The following OR10G4 variants were observed in gnomAD, a reference collection of about 807,000 sequenced individuals.
The protein encoded by OR10G4 is olfactory receptor family 10 subfamily G member 4, also known as olfactory receptor 10G4.
For synonymous variants in OR10G4, 130 were observed against 159.3 expected, an observed-to-expected ratio of 0.82 and a Z score of 1.39; for missense variants, 318 against 388.8, an observed-to-expected ratio of 0.82 and a Z score of 1.53.
rs970063176 is a variant in OR10G4 at position 124,018,492 on chromosome 11, G to T, written c.*1982G>T. Reference sequence around the variant, plus strand: ...TGTGTTACTTTGCTGGAAGATATTAGTTTCCAGTTTCATCAATGTCCCTAC... The same window carrying T: ...TGTGTTACTTTGCTGGAAGATATTATTTTCCAGTTTCATCAATGTCCCTAC... On this transcript the variant is annotated 3_prime_UTR_variant, in exon 2 of 2. Transcript: ENST00000641722. The T allele has an allele frequency of 1.3e-5, 2 of 152,088 alleles. No individual in the cohort carries two copies. Among genetic ancestry groups the T allele is most frequent in the Non-Finnish European group, 1.5e-5 (1 of 68,016 alleles). 9.4% of individuals were successfully genotyped at this position (152,088 alleles called of 1,614,324 possible). A position where few individuals can be genotyped will look rare whatever the true frequency, so the allele number is the denominator to read the frequency against.
In OR10G4 at chr11:124,015,624, A is replaced by G. The variant is rs777543217; in HGVS notation, c.50A>G (p.His17Arg). 16 of 1,603,664 alleles carry G rather than the reference A, an allele frequency of 1.0e-5. 2 individuals are homozygous for G. Among genetic ancestry groups the G allele is most frequent in the African/African-American group, 1.3e-5 (1 of 74,896 alleles). The change falls in exon 2 of 2, where the codon CAT becomes CGT. Residue 17 changes from histidine (H) to arginine (R), a missense_variant. His to Arg is a conservative substitution (Grantham distance 29). Transcript: ENST00000641722. ...GCATTCATCCTCACAGGCCTTCCCC[A>G]TGCCCCAGGGCTGGACGCCCTCCTC... The part of the protein sequence containing the change: ...VTAFILTGLP[H>R]APGLDALLFG...
At chr11:124,015,074 C>G (rs1368502748) in intron 1 of OR10G4, 1 of 163,858 alleles carries the variant, frequency 6.1e-6, no homozygotes, top group Non-Finnish European at 1.3e-5. Flanking sequence ...AGCAAAAAAA[C>G]AGAGACCTCT....
Position 124,015,885 on chromosome 11 carries a change from A to C in OR10G4, c.311A>C (p.His104Pro). 2 of 1,612,352 alleles carry C rather than the reference A, an allele frequency of 1.2e-6. No individual in the cohort carries two copies. The highest frequency in any genetic ancestry group is 1.1e-5 in the South Asian group (1 of 90,976). ...TGCGTGGCTCAGCTCTATTTTTTCC[A>C]CTTCCTGGGGAGCACCGAGTGTTTC... ...HSCVAQLYFF[H>P]FLGSTECFLY... The change falls in exon 2 of 2, where the codon CAC (histidine) becomes CCC (proline). Residue 104 changes from histidine to proline, a missense_variant. Transcript: ENST00000641722.
chr11:124,013,556 G>A (rs1197824527), intron 1 of OR10G4, among the ~76,000 whole-genome samples: 1 of 152,140 alleles, frequency 6.6e-6, no homozygotes, highest in Non-Finnish European at 1.5e-5. Context: ...TTGCTTTAAT[G>A]TAGCTTCAGC....
chr11:124,015,399 C>T, intron 1 of OR10G4, 149 bp from the exon 2 acceptor site: 1 of 758,758 alleles, frequency 1.3e-6, no homozygotes, highest in East Asian at 2.7e-5. Flanking sequence ...GAAATAATTT[C>T]ATCATCATCT....
rs373153128 is a variant in OR10G4, at chr11:124,015,592, C to A, written c.18C>A (p.Leu6=). The A allele has an allele frequency of 9.3e-6, 15 of 1,606,056 alleles. No homozygotes were observed. The highest frequency in any genetic ancestry group is 1.2e-5 in the Non-Finnish European group (14 of 1,175,684). The stretch of plus-strand genomic sequence containing the variant: ...GAGAAGAAATGTCCAACGCCAGCCT[C>A]GTGACAGCATTCATCCTCACAGGCC... MSNAS[L]VTAFILTGLP... The change falls in exon 2 of 2, where the codon CTC becomes CTA. Residue 6 remains leucine, a synonymous_variant. Transcript: ENST00000641722.
chr11:124,015,406 A>G, intron 1 of OR10G4, 142 bp from the exon 2 acceptor site: 2 of 786,278 alleles, frequency 2.5e-6, no homozygotes, highest in Non-Finnish European at 4.1e-6. Flanking sequence ...TTTCATCATC[A>G]TCTCTGTGAG....
Position 124,016,111 on chromosome 11 carries a change from C to T in OR10G4, c.537C>T (p.Asp179=), listed in dbSNP as rs140418650. ...ACCAGATCCAGCACTACTTCTGTGA[C>T]GCACCGCCCATCCTGAAACTGGCCT... ...GPNQIQHYFC[D]APPILKLACA... Residue 179 remains aspartate (D), a synonymous_variant, in exon 2 of 2, where the codon GAC becomes GAT. Coordinates refer to ENST00000641722, the MANE Select transcript of OR10G4 (RefSeq NM_001004462.2). The T allele has an allele frequency of 2.7e-4, 434 of 1,611,790 alleles. 2 individuals are homozygous for T. Among genetic ancestry groups the T allele is most frequent in the East Asian group, 6.7e-4 (30 of 44,832 alleles).
Position 124,016,020 on chromosome 11 carries a change from T to C in OR10G4, c.446T>C (p.Leu149Pro). 1 of 1,613,930 alleles carries C rather than the reference T, an allele frequency of 6.2e-7. No individual in the cohort carries two copies. Among genetic ancestry groups the C allele is most frequent in the Non-Finnish European group, 8.5e-7 (1 of 1,179,882 alleles). ...GCCCTCCTGGCCACCGGCACTTGGC[T>C]CAGTGGCTCTCTGCACTCTGCTGTC... ...RCALLATGTWLSGSLHSAVQT... is the reference protein window; with the variant it reads ...RCALLATGTWPSGSLHSAVQT... The change falls in exon 2 of 2, where the codon CTC becomes CCC. Residue 149 changes from leucine (L) to proline (P), a missense_variant. Physicochemically the swap from Leu to Pro is moderately conservative, Grantham distance 98. Transcript: ENST00000641722.
rs1030358837 is a variant in OR10G4 at position 124,017,491 on chromosome 11, A to G, written c.*981A>G. Reference sequence around the variant, plus strand: ...AGAGACCCTCACAACAAAACTTACCATGGCCAAATGCCGATAGTGCTGAGG... The same window carrying G: ...AGAGACCCTCACAACAAAACTTACCGTGGCCAAATGCCGATAGTGCTGAGG... On this transcript the variant is annotated 3_prime_UTR_variant, in exon 2 of 2. Transcript: ENST00000641722. 4.5e-4 allele frequency: 69 copies of G among 152,236 alleles called. No individual in the cohort carries two copies. The highest frequency in any genetic ancestry group is 1.6e-3 in the African/African-American group (67 of 41,460). The allele number at this position is 152,236 out of a possible 1,614,324, so 9.4% of individuals were successfully genotyped here.
In OR10G4 at chr11:124,016,614, C is replaced by T. The variant is rs971617462; in HGVS notation, c.*104C>T. The stretch of plus-strand genomic sequence containing the variant: ...TAGTTCTCAGTGTTAAACTTTATTC[C>T]AAAACACCTGCACAGTTATAATTCT... On this transcript the variant is annotated 3_prime_UTR_variant, in exon 2 of 2. Transcript: ENST00000641722. The T allele has an allele frequency of 1.4e-5, 9 of 663,992 alleles. No individual in the cohort carries two copies. The African/African-American group carries it at 1.6e-4, about 12-fold the overall frequency. The allele number at this position is 663,992 out of a possible 1,614,324, so 41.1% of individuals were successfully genotyped here.
rs1376155070 is a variant in OR10G4 at position 124,013,088 on chromosome 11, A to G, written c.-52A>G. On this transcript the variant is annotated 5_prime_UTR_variant, in exon 1 of 2. Coordinates refer to ENST00000641722, the MANE Select transcript of OR10G4 (RefSeq NM_001004462.2). ...GGGAAAAAGTTAGATGAGTTTTACT[A>G]CTGAGAAGAATCACATACTGCAAGG... The G allele has an allele frequency of 7.2e-5, 11 of 152,242 alleles. No homozygotes were observed. Among genetic ancestry groups the G allele is most frequent in the Admixed American group, 6.5e-4 (10 of 15,284 alleles). 9.4% of individuals were successfully genotyped at this position (152,242 alleles called of 1,614,324 possible).
Position 124,016,272 on chromosome 11 carries a change from G to C in OR10G4, c.698G>C (p.Arg233Thr), listed in dbSNP as rs559573395. Reference sequence around the variant, plus strand: ...CTGCGGATCCGCACCTCAGATGGGAGGCGCAGAGCCTTTCAGACCTGTGCC... The same window carrying C: ...CTGCGGATCCGCACCTCAGATGGGACGCGCAGAGCCTTTCAGACCTGTGCC... ...SILRIRTSDGRRRAFQTCASH... is the reference protein window; with the variant it reads ...SILRIRTSDGTRRAFQTCASH... Residue 233 changes from arginine (R) to threonine (T), a missense_variant, in exon 2 of 2, where the codon AGG (arginine) becomes ACG (threonine). Coordinates refer to ENST00000641722, the MANE Select transcript of OR10G4 (RefSeq NM_001004462.2). The C allele has an allele frequency of 6.5e-5, 105 of 1,614,186 alleles. No individual in the cohort carries two copies. The highest frequency in any genetic ancestry group is 8.6e-5 in the Non-Finnish European group (102 of 1,180,028).
rs1350689395 is a variant in OR10G4 at position 124,018,248 on chromosome 11, A to C, written c.*1738A>C. 1 of 152,202 alleles carries C rather than the reference A, an allele frequency of 6.6e-6. No homozygotes were observed. Among genetic ancestry groups the C allele is most frequent in the Non-Finnish European group, 1.5e-5 (1 of 68,034 alleles). 9.4% of individuals were successfully genotyped at this position (152,202 alleles called of 1,614,324 possible). The stretch of plus-strand genomic sequence containing the variant: ...TTAAGTTCTGGCATACATGTGCACA[A>C]CGTGCAGGTTTGTTATGTAGCAATA... On this transcript the variant is annotated 3_prime_UTR_variant, in exon 2 of 2. Transcript: ENST00000641722.
At position 124,016,503 on chromosome 11, in the gene OR10G4, G is replaced by A. The variant is rs1380082806; in HGVS notation, c.929G>A (p.Arg310Lys). The change falls in exon 2 of 2, where the codon AGG becomes AAG. Residue 310 changes from arginine (R) to lysine (K), a missense_variant. Coordinates refer to ENST00000641722, the MANE Select transcript of OR10G4 (RefSeq NM_001004462.2). ...KLRDKVAHPQ[R>K]K ...AGAGACAAAGTAGCACATCCTCAGA[G>A]GAAATAAATACTAGGAAGTAAATAC... The A allele has an allele frequency of 6.3e-7, 1 of 1,577,212 alleles. No homozygotes were observed. Among genetic ancestry groups the A allele is most frequent in the Non-Finnish European group, 8.6e-7 (1 of 1,164,206 alleles).
At chr11:124,015,475 C>A (rs1864006872) in intron 1 of OR10G4, 73 bp from the exon 2 acceptor site, 5 of 1,362,116 alleles carry the variant, frequency 3.7e-6, no homozygotes, top group Non-Finnish European at 5.1e-6. Flanking sequence ...CTGGTTGATG[C>A]AGTTTCCACA....
Position 124,015,545 on chromosome 11 carries a change from C to T in OR10G4, c.-27-3C>T. The stretch of plus-strand genomic sequence containing the variant: ...AAATGCTGGGTGCTCTTTATATCCC[C>T]AGAGGGAGAGAGACCAAGGGTGAGA... On this transcript the variant is annotated splice_region_variant and splice_polypyrimidine_tract_variant and intron_variant, in intron 1 of 1. Transcript: ENST00000641722. 1 of 1,602,374 alleles carries T rather than the reference C, an allele frequency of 6.2e-7. No individual in the cohort carries two copies. The highest frequency in any genetic ancestry group is 8.5e-7 in the Non-Finnish European group (1 of 1,172,522).
Position 124,015,439 on chromosome 11 carries a change from T to G in OR10G4, c.-27-109T>G, listed in dbSNP as rs1038678475. The G allele has an allele frequency of 2.0e-5, 21 of 1,061,684 alleles. No homozygotes were observed. The East Asian group carries it at 5.2e-4, about 27-fold the overall frequency. 65.8% of individuals were successfully genotyped at this position (1,061,684 alleles called of 1,614,324 possible). On this transcript the variant is annotated intron_variant, in intron 1 of 1. Transcript: ENST00000641722. The stretch of plus-strand genomic sequence containing the variant: ...GAGGGAAGCTTTGTAACAAGCGAAG[T>G]GCAGGATAACTCCAGAATTATCTAC...
chr11:124,016,075 C>A lies in OR10G4; in HGVS notation c.501C>A (p.Tyr167Ter). 6.2e-7 allele frequency: 1 copy of A among 1,613,950 alleles called. No individual in the cohort carries two copies. Among genetic ancestry groups the A allele is most frequent in the Non-Finnish European group, 8.5e-7 (1 of 1,179,864 alleles). ...VQTILTFHLP[Y>*]CGPNQIQHYF... ...CCATATTGACTTTCCATTTGCCCTA[C>A]TGTGGACCCAACCAGATCCAGCACT... The change falls in exon 2 of 2, where the codon TAC (tyrosine) becomes TAA (stop). Residue 167 changes from tyrosine to a stop codon, truncating the protein, a stop_gained. Coordinates refer to ENST00000641722, the MANE Select transcript of OR10G4 (RefSeq NM_001004462.2). LOFTEE classifies it low-confidence loss of function (END_TRUNC).
Sources: gnomAD v4.1 joint callset for allele counts (sites outside exome capture counted in the v4.1 genomes callset) on GRCh38, gnomAD v4.1.1 for gene constraint, MANE v1.5 for transcripts, NCBI Gene and HGNC (gene_info 2026-07-23, HGNC 2026-07-21) for gene names.